The following RPGRIP1L variants were observed in gnomAD, a reference collection of about 807,000 sequenced individuals.
RPGRIP1L encodes protein fantom.
RPGRIP1L carries 131 observed loss-of-function variants against 160.4 expected under a neutral mutation model. That is an observed-to-expected ratio of 0.82 (90% CI 0.71 to 0.94). RPGRIP1L has a LOEUF of 0.94. Ranked by LOEUF, RPGRIP1L falls within the 40% of genes least tolerant of loss-of-function variation. The pLI is 0.00. For synonymous variants in RPGRIP1L, 510 were observed against 515.8 expected (o/e 0.99, Z 0.15); for missense variants, 1,522 against 1,535.8 (o/e 0.99, Z 0.15).
chr16:53,694,872 G>C (rs1229272980), intron 3 of RPGRIP1L: 1 of 155,434 alleles, frequency 6.4e-6, no homozygotes, highest in Non-Finnish European at 1.4e-5. Flanking sequence ...GTCACAGTCA[G>C]TGGTGTGAGA....
rs180756105 is a variant in RPGRIP1L at position 53,650,561 on chromosome 16, G to A, written c.2153-1446C>T. 2.4e-4 allele frequency among the ~76,000 whole-genome samples: 37 copies of A among 152,082 alleles called. No homozygotes were observed. The East Asian group carries it at 3.1e-3, about 13-fold the overall frequency. On this transcript the variant is annotated intron_variant, in intron 15 of 26. Coordinates refer to ENST00000647211, the MANE Select transcript of RPGRIP1L (RefSeq NM_015272.5). ...CAACAGAGTGAGACCCTGGCTTAAT[G>A]AAAAAACACCCCAAACAAACAAACA...
chr16:53,655,245 ATTTT>A (rs200817086), intron 14 of RPGRIP1L, among the ~76,000 whole-genome samples: 1 of 152,164 alleles, frequency 6.6e-6, no homozygotes. Context: ...TTCTTGAAGT[ATTTT>A]TTTGTTTTGG....
intron 20 of RPGRIP1L, 100 bp downstream of exon 20, chr16:53,638,210 G>C: frequency 1.3e-6 from 1 of 763,360 alleles, no homozygotes; most frequent in Non-Finnish European, 2.3e-6. Flanking sequence ...ATAAAAATAG[G>C]GGAAATGCTA....
At chr16:53,643,906 CACATGTTAG>C (rs1359367641) in intron 17 of RPGRIP1L, among the ~76,000 whole-genome samples, 1 of 152,092 alleles carries the variant, frequency 6.6e-6, no homozygotes. Flanking sequence ...TAAGGATGAC[CACATGTTAG>C]ACTTGGCAAA....
chr16:53,675,017 C>T lies in RPGRIP1L; in HGVS notation c.882G>A (p.Glu294=). ...GTAATAAAATAAATTATCACTGTACCTCTTGAAGCTGAATAAATTTTCCTT... is the reference window on the plus strand; with the variant it reads ...GTAATAAAATAAATTATCACTGTACTTCTTGAAGCTGAATAAATTTTCCTT... ...AMEGKFIQLQ[E]KQRTLRISHD... The change falls in exon 7 of 27, where the codon GAG becomes GAA. Residue 294 remains glutamate, a splice_region_variant and synonymous_variant. Transcript: ENST00000647211. 1 of 1,569,958 alleles carries T rather than the reference C, an allele frequency of 6.4e-7. No individual in the cohort carries two copies. Among genetic ancestry groups the T allele is most frequent in the South Asian group, 1.1e-5 (1 of 90,230 alleles).
At chr16:53,648,626 GCACACA>G (rs113624342) in intron 16 of RPGRIP1L, among the ~76,000 whole-genome samples, 11 of 143,988 alleles carry the variant, frequency 7.6e-5, no homozygotes, top group Non-Finnish European at 1.2e-4. Context: ...GCGCGCGCGC[GCACACA>G]CACACACACA....
Position 53,686,459 on chromosome 16 carries a change from A to T in RPGRIP1L, c.750T>A (p.Leu250=). The T allele has an allele frequency of 6.2e-7, 1 of 1,613,504 alleles. No homozygotes were observed. Among genetic ancestry groups the T allele is most frequent in the Non-Finnish European group, 8.5e-7 (1 of 1,179,748 alleles). The change falls in exon 6 of 27, where the codon CTT becomes CTA. Residue 250 remains leucine, a synonymous_variant. Transcript: ENST00000647211. ...TTTGATCTGTAGCTTGCTGTTCTCG[A>T]AGCTGAAGAAGAGATAACTCAATTT... The part of the protein sequence containing the change: ...ENEIELSLLQ[L]REQQATDQRS...
chr16:53,697,191 A>G (rs1164241163), intron 2 of RPGRIP1L, among the ~76,000 whole-genome samples: 1 of 152,056 alleles, frequency 6.6e-6, no homozygotes, highest in Non-Finnish European at 1.5e-5. Flanking sequence ...CTGTCTCAAA[A>G]AAAAAAAAGA....
chr16:53,679,463 G>C (rs115294533), intron 6 of RPGRIP1L, among the ~76,000 whole-genome samples: 1 of 151,204 alleles, frequency 6.6e-6, no homozygotes, highest in Non-Finnish European at 1.5e-5. Context: ...GTGCAGTGTC[G>C]TGATCTCGGC....
At position 53,696,206 on chromosome 16, in the gene RPGRIP1L, C is replaced by A. The variant is rs750355385; in HGVS notation, c.175G>T (p.Asp59Tyr). 6.2e-7 allele frequency: 1 copy of A among 1,614,024 alleles called. No homozygotes were observed. Among genetic ancestry groups the A allele is most frequent in the Non-Finnish European group, 8.5e-7 (1 of 1,179,970 alleles). Residue 59 changes from aspartate (D) to tyrosine (Y), a missense_variant, in exon 3 of 27, where the codon GAT (aspartate) becomes TAT (tyrosine). Physicochemically the swap from Asp to Tyr is radical, Grantham distance 160 (BLOSUM62 -3). Transcript: ENST00000647211. Reference protein sequence around the residue: ...ELEDRFLRLHDENILLKQHAR... With the variant: ...ELEDRFLRLHYENILLKQHAR... ...TGCTGTTTAAGTAAAATGTTCTCATCATGCAAACGCAAAAATCTGTCTTCC... is the reference window on the plus strand; with the variant it reads ...TGCTGTTTAAGTAAAATGTTCTCATAATGCAAACGCAAAAATCTGTCTTCC...
At chr16:53,618,850 C>G (rs1339459593) in intron 24 of RPGRIP1L, among the ~76,000 whole-genome samples, 175 bp downstream of exon 24, 1 of 152,082 alleles carries the variant, frequency 6.6e-6, no homozygotes, top group Admixed American at 6.6e-5. Context: ...CCTGGCCCAA[C>G]TTTATTTTCT....
At chr16:53,686,258 T>A (rs1970005470) in intron 6 of RPGRIP1L, among the ~76,000 whole-genome samples, 175 bp downstream of exon 6, 1 of 152,216 alleles carries the variant, frequency 6.6e-6, no homozygotes, top group Non-Finnish European at 1.5e-5. Context: ...GAAAACTGTC[T>A]TTAGACTAGA....
intron 15 of RPGRIP1L, 30 bp downstream of exon 15, chr16:53,652,505 A>G: frequency 3.9e-6 from 6 of 1,557,822 alleles, no homozygotes; most frequent in Non-Finnish European, 5.3e-6. Flanking sequence ...TTAGTAATTC[A>G]AACACCCAAG....
intron 10 of RPGRIP1L, among the ~76,000 whole-genome samples, chr16:53,660,490 CAGTT>C (rs1447362770): frequency 6.6e-5 from 10 of 151,510 alleles, no homozygotes; most frequent in African/African-American, 1.7e-4. Context: ...TTAAATTACA[CAGTT>C]AGGAATAAAT....
At chr16:53,693,975 C>T (rs908747754) in intron 3 of RPGRIP1L, 2 of 152,126 alleles carry the variant, frequency 1.3e-5, no homozygotes, top group African/African-American at 4.8e-5. Flanking sequence ...ATTTTTAAGG[C>T]AGGGTATCTT....
rs908885473 is a variant in RPGRIP1L at position 53,687,909 on chromosome 16, A to G, written c.586T>C (p.Tyr196His). ...AETPHPMFTKYGNSLLEEARG... is the reference protein window; with the variant it reads ...AETPHPMFTKHGNSLLEEARG... ...GCTTCTTCAAGTAAACTGTTGCCAT[A>G]TTTTGTAAACATGGGATGTGGAGTT... Residue 196 changes from tyrosine (Y) to histidine (H), a missense_variant, in exon 5 of 27, where the codon TAT (tyrosine) becomes CAT (histidine). Transcript: ENST00000647211. The G allele has an allele frequency of 6.2e-7, 1 of 1,611,910 alleles. No individual in the cohort carries two copies. The highest frequency in any genetic ancestry group is 1.3e-5 in the African/African-American group (1 of 74,876).
chr16:53,681,606 C>T (rs1390899548), intron 6 of RPGRIP1L, among the ~76,000 whole-genome samples: 1 of 152,144 alleles, frequency 6.6e-6, no homozygotes, highest in Non-Finnish European at 1.5e-5. Context: ...ACAACTCACT[C>T]TCCCAAAATA....
At chr16:53,630,637 G>A (rs961283776) in intron 22 of RPGRIP1L, among the ~76,000 whole-genome samples, 1 of 152,086 alleles carries the variant, frequency 6.6e-6, no homozygotes, top group Non-Finnish European at 1.5e-5. Flanking sequence ...ATATTAGTAA[G>A]AGTTAGTTAA....
At position 53,658,408 on chromosome 16, in the gene RPGRIP1L, C is replaced by T; in HGVS notation, c.1401+6G>A. The T allele has an allele frequency of 6.2e-7, 1 of 1,605,636 alleles. No individual in the cohort carries two copies. Among genetic ancestry groups the T allele is most frequent in the East Asian group, 2.2e-5 (1 of 44,720 alleles). On this transcript the variant is annotated splice_donor_region_variant and intron_variant, in intron 12 of 26. Coordinates refer to ENST00000647211, the MANE Select transcript of RPGRIP1L (RefSeq NM_015272.5). ...ATGAAAATCACGATGAAGTTCAGAA[C>T]CTTACCTTTATAAGTAGGAGAGCTT...
Sources: allele counts gnomAD v4.1 joint callset (sites outside exome capture counted in the v4.1 genomes callset), GRCh38; gene constraint gnomAD v4.1.1; transcripts MANE v1.5; gene names NCBI Gene and HGNC (gene_info 2026-07-23, HGNC 2026-07-21).